The following ARCN1 variants were observed in gnomAD, a reference collection of about 807,000 sequenced individuals.
ARCN1 encodes the protein archain 1 coat protein complex I subunit delta.
Under a neutral mutation model 60.4 loss-of-function variants are expected in ARCN1, and 5 were observed. That is an observed-to-expected ratio of 0.08 (90% CI 0.04 to 0.17). ARCN1 has a LOEUF of 0.17. Among genes scored for constraint, ARCN1 ranks in the 10% least tolerant of loss-of-function variants. The pLI, the probability that ARCN1 is intolerant of heterozygous loss-of-function variation, is 1.00. For missense variants in ARCN1, 464 were observed against 626.5 expected, an observed-to-expected ratio of 0.74 and a Z score of 2.77; for synonymous variants, 224 against 220.0, an observed-to-expected ratio of 1.02 and a Z score of -0.16.
In ARCN1 at chr11:118,597,805, C is replaced by G; in HGVS notation, c.1340C>G (p.Ala447Gly). Residue 447 changes from alanine to glycine, a missense_variant, in exon 9 of 10, where the codon GCC becomes GGC. By Grantham distance (60) the Ala-to-Gly change is moderately conservative. This residue lies in a region of ARCN1 where 359 missense variants were observed against 440.2 expected (regional missense o/e 0.82). Transcript: ENST00000264028. Reference sequence around the variant, plus strand: ...GAGTGGTGCCTGCCTGTGATTGATGCCAAAAATAAGAGTGGCAGCCTGGAG... The same window carrying G: ...GAGTGGTGCCTGCCTGTGATTGATGGCAAAAATAAGAGTGGCAGCCTGGAG... ...TLEWCLPVIDAKNKSGSLEFS... is the reference protein window; with the variant it reads ...TLEWCLPVIDGKNKSGSLEFS... The G allele has an allele frequency of 3.1e-6, 5 of 1,614,130 alleles. No homozygotes were observed. Among genetic ancestry groups the G allele is most frequent in the Non-Finnish European group, 4.2e-6 (5 of 1,180,040 alleles).
intron 2 of ARCN1, among the ~76,000 whole-genome samples, 184 bp downstream of exon 2, chr11:118,581,693 A>T (rs571577667): frequency 7.9e-5 from 12 of 152,114 alleles, no homozygotes; most frequent in Non-Finnish European, 1.5e-4. Context: ...TAGACTATAG[A>T]TGTCTCAAAA....
In ARCN1 at chr11:118,583,280, G is replaced by A. The variant is rs377531267; in HGVS notation, c.369G>A (p.Glu123=). ...FDEIVALGYR[E]NVNLAQIRTF... is the part of the protein sequence containing the mutation. Reference sequence around the variant, plus strand: ...AAATTGTCGCACTGGGATACCGGGAGAATGTTAACTTGGCACAGATCAGAA... The same window carrying A: ...AAATTGTCGCACTGGGATACCGGGAAAATGTTAACTTGGCACAGATCAGAA... Residue 123 remains glutamate (E), a synonymous_variant, in exon 3 of 10, where the codon GAG becomes GAA. Coordinates refer to ENST00000264028, the MANE Select transcript of ARCN1 (RefSeq NM_001655.5). 18 of 1,614,060 alleles carry A rather than the reference G, an allele frequency of 1.1e-5. No individual in the cohort carries two copies. The highest frequency in any genetic ancestry group is 1.4e-5 in the Non-Finnish European group (17 of 1,180,030).
At position 118,590,426 on chromosome 11, in the gene ARCN1, A is replaced by T. The variant is rs782775362; in HGVS notation, c.904A>T (p.Met302Leu). 98 of 1,614,122 alleles carry T rather than the reference A, an allele frequency of 6.1e-5. No individual in the cohort carries two copies. The highest frequency in any genetic ancestry group is 8.1e-5 in the Non-Finnish European group (95 of 1,180,038). The change falls in exon 6 of 10, where the codon ATG (methionine) becomes TTG (leucine). Residue 302 changes from methionine to leucine, a missense_variant. By Grantham distance (15) the Met-to-Leu change is conservative. Coordinates refer to ENST00000264028, the MANE Select transcript of ARCN1 (RefSeq NM_001655.5). ...GAATATGGAGTTGCATGGCATGATC[A>T]TGCTTAGGATCTCAGATGACAAGTA... is the stretch of plus-strand genomic sequence containing the variant. ...LQNMELHGMI[M>L]LRISDDKYGR...
chr11:118,572,447 G>A lies in ARCN1; in HGVS notation c.-101G>A. On this transcript the variant is annotated 5_prime_UTR_variant, in exon 1 of 10. Coordinates refer to ENST00000264028, the MANE Select transcript of ARCN1 (RefSeq NM_001655.5). ...GCGAAGCGGCAGCGGTTCCTGTCAA[G>A]GGGGCAGCAGGTCCAGAGCTGCTGG... 5.4e-6 allele frequency: 7 copies of A among 1,304,298 alleles called. No individual in the cohort carries two copies. The highest frequency in any genetic ancestry group is 7.4e-6 in the Non-Finnish European group (7 of 946,478). 80.8% of individuals were successfully genotyped at this position (1,304,298 alleles called of 1,614,324 possible).
chr11:118,573,814 C>A, intron 1 of ARCN1: 1 of 479,292 alleles, frequency 2.1e-6, no homozygotes, highest in South Asian at 3.4e-5. Context: ...AGGTTTGCCT[C>A]CTAAAATTTT....
At chr11:118,573,692 G>C (rs749526624) in intron 1 of ARCN1, 76 of 702,380 alleles carry the variant, frequency 1.1e-4, no homozygotes, top group Non-Finnish European at 1.2e-4. Context: ...ATCCTAATAA[G>C]TTCTATTGAC....
intron 9 of ARCN1, among the ~76,000 whole-genome samples, chr11:118,599,681 C>T (rs549154592): frequency 1.3e-5 from 2 of 152,308 alleles, no homozygotes; most frequent in South Asian, 2.1e-4. Context: ...CCGCCCACCT[C>T]GGCTTCCCAA....
Position 118,584,591 on chromosome 11 carries a change from C to A in ARCN1, c.765C>A (p.Gly255=). The A allele has an allele frequency of 6.2e-7, 1 of 1,613,258 alleles. No homozygotes were observed. Among genetic ancestry groups the A allele is most frequent in the Non-Finnish European group, 8.5e-7 (1 of 1,179,748 alleles). The change falls in exon 5 of 10, where the codon GGC becomes GGA. Residue 255 remains glycine (G), a synonymous_variant. Transcript: ENST00000264028. Reference sequence around the variant, plus strand: ...AAACCATCATGTCCTCTAGTATGGGCAAGCGTACTTCTGAAGCAACCAAAA... The same window carrying A: ...AAACCATCATGTCCTCTAGTATGGGAAAGCGTACTTCTGAAGCAACCAAAA... ...EGETIMSSSM[G]KRTSEATKMH...
intron 2 of ARCN1, among the ~76,000 whole-genome samples, chr11:118,582,498 G>T (rs1555074804): frequency 2.0e-5 from 3 of 151,912 alleles, no homozygotes; most frequent in African/African-American, 7.2e-5. Context: ...GCTGAGGCGG[G>T]TGGATCACCT....
rs1555076158 is a variant in ARCN1 at position 118,590,513 on chromosome 11, A to G, written c.984+7A>G. 1 of 1,613,656 alleles carries G rather than the reference A, an allele frequency of 6.2e-7. No homozygotes were observed. The highest frequency in any genetic ancestry group is 1.7e-5 in the Admixed American group (1 of 59,942). The stretch of plus-strand genomic sequence containing the variant: ...GAAAGGGGTGCAGCTACAGGTGTGT[A>G]GAAGCTTTTGATAGGGAGTATTAAC... On this transcript the variant is annotated splice_region_variant and intron_variant, in intron 6 of 9. Coordinates refer to ENST00000264028, the MANE Select transcript of ARCN1 (RefSeq NM_001655.5).
intron 8 of ARCN1, among the ~76,000 whole-genome samples, chr11:118,597,206 A>C (rs977357219): frequency 6.6e-6 from 1 of 152,220 alleles, no homozygotes; most frequent in African/African-American, 2.4e-5. Flanking sequence ...ACTCTGTCTC[A>C]AAAAACAAAT....
chr11:118,583,038 C>A (rs1347041486), intron 2 of ARCN1, 141 bp from the exon 3 acceptor site: 6 of 989,724 alleles, frequency 6.1e-6, no homozygotes, highest in Non-Finnish European at 8.8e-6. Flanking sequence ...GAGACTCTGT[C>A]CCAAAAAATA....
intron 8 of ARCN1, among the ~76,000 whole-genome samples, chr11:118,595,492 A>C (rs1364232408): frequency 6.6e-6 from 1 of 152,234 alleles, no homozygotes; most frequent in African/African-American, 2.4e-5. Flanking sequence ...ACCATAATCA[A>C]GATAACAAAA....
intron 5 of ARCN1, among the ~76,000 whole-genome samples, chr11:118,586,852 CAAAAAA>C (rs781894156): frequency 1.1e-4 from 6 of 53,396 alleles, no homozygotes; most frequent in Middle Eastern, 0.012. Flanking sequence ...ACTCTATCTC[CAAAAAA>C]AAAAAAAAAA....
At position 118,572,468 on chromosome 11, in the gene ARCN1, G is replaced by C; in HGVS notation, c.-80G>C. 1.3e-6 allele frequency: 2 copies of C among 1,523,220 alleles called. No homozygotes were observed. The highest frequency in any genetic ancestry group is 2.3e-5 in the South Asian group (2 of 85,668). 94.4% of individuals were successfully genotyped at this position (1,523,220 alleles called of 1,614,324 possible). On this transcript the variant is annotated 5_prime_UTR_variant, in exon 1 of 10. Transcript: ENST00000264028. ...TCAAGGGGGCAGCAGGTCCAGAGCTGCTGGTGCTCCCGTTCCCCAGACCCT... is the reference window on the plus strand; with the variant it reads ...TCAAGGGGGCAGCAGGTCCAGAGCTCCTGGTGCTCCCGTTCCCCAGACCCT...
chr11:118,600,625 G>A lies in ARCN1; in HGVS notation c.1447G>A (p.Val483Ile), dbSNP rs1555077933. The part of the protein sequence containing the change: ...VSKKNYCNIQ[V>I]TKVTQVDGNS... The stretch of plus-strand genomic sequence containing the variant: ...CCTTACTCTTTGTTTATTTTCCTAG[G>A]TTACCAAAGTGACCCAGGTAGATGG... Residue 483 changes from valine (V) to isoleucine (I), a missense_variant and splice_region_variant, in exon 10 of 10, where the codon GTT (valine) becomes ATT (isoleucine). By Grantham distance (29) the Val-to-Ile change is conservative (BLOSUM62 3). This residue lies in a region of ARCN1 where 359 missense variants were observed against 440.2 expected (regional missense o/e 0.82). Coordinates refer to ENST00000264028, the MANE Select transcript of ARCN1 (RefSeq NM_001655.5). The A allele has an allele frequency of 6.2e-7, 1 of 1,607,046 alleles. No individual in the cohort carries two copies. Among genetic ancestry groups the A allele is most frequent in the Admixed American group, 1.7e-5 (1 of 58,670 alleles).
Position 118,602,575 on chromosome 11 carries a change from A to G in ARCN1, c.*1861A>G, listed in dbSNP as rs1213287390. On this transcript the variant is annotated 3_prime_UTR_variant, in exon 10 of 10. Coordinates refer to ENST00000264028, the MANE Select transcript of ARCN1 (RefSeq NM_001655.5). ...ATGGCTGTGTGTGGAATTGCTTGCC[A>G]AAGAAGTTTCTAGCCTTTCCCTTTC... 2.0e-5 allele frequency: 3 copies of G among 153,798 alleles called. No homozygotes were observed. The highest frequency in any genetic ancestry group is 7.2e-5 in the African/African-American group (3 of 41,460). 9.5% of individuals were successfully genotyped at this position (153,798 alleles called of 1,614,324 possible).
chr11:118,587,393 C>T (rs1938802666), intron 5 of ARCN1, among the ~76,000 whole-genome samples: 1 of 152,140 alleles, frequency 6.6e-6, no homozygotes, highest in African/African-American at 2.4e-5. Context: ...ATTTTTCCCC[C>T]TTTTATGCAA....
chr11:118,577,215 A>C (rs1046025952), intron 1 of ARCN1, among the ~76,000 whole-genome samples: 1 of 151,994 alleles, frequency 6.6e-6, no homozygotes, highest in Non-Finnish European at 1.5e-5. Context: ...AATTCATCAA[A>C]GCATGATCTA....
Sources: allele counts gnomAD v4.1 joint callset (sites outside exome capture counted in the v4.1 genomes callset), GRCh38; gene constraint gnomAD v4.1.1; regional missense constraint gnomAD v4.1.1; transcripts MANE v1.5; gene names NCBI Gene and HGNC (gene_info 2026-07-23, HGNC 2026-07-21).